Variants in SCAF8 observed in about 807,000 individuals in gnomAD.
SCAF8 encodes the protein SR-related and CTD-associated factor 8.
In SCAF8, 23 loss-of-function variants were observed where a neutral mutation model predicts 140.5. The observed-to-expected ratio is 0.16, with a 90% CI of 0.12 to 0.23. The LOEUF is 0.23. Ranked by LOEUF, SCAF8 falls within the 10% of genes least tolerant of loss-of-function variation. SCAF8 has a pLI of 1.00. For synonymous variants in SCAF8, 575 were observed against 528.9 expected (o/e 1.09, Z -1.20); for missense variants, 1,397 against 1,555.7 (o/e 0.90, Z 1.72).
At chr6:154,749,239 C>G (rs1271548125) in intron 1 of SCAF8, among the ~76,000 whole-genome samples, 5 of 152,148 alleles carry the variant, frequency 3.3e-5, no homozygotes, top group African/African-American at 1.2e-4. Context: ...CCGCACCCAG[C>G]CTAAAATCTC....
chr6:154,789,641 G>A (rs1777355201), intron 4 of SCAF8, among the ~76,000 whole-genome samples: 1 of 150,786 alleles, frequency 6.6e-6, no homozygotes, highest in South Asian at 2.1e-4. Flanking sequence ...TGCCTCCCAG[G>A]TTCACGCCAT....
At chr6:154,775,129 G>T (rs1776879976) in intron 2 of SCAF8, among the ~76,000 whole-genome samples, 1 of 152,210 alleles carries the variant, frequency 6.6e-6, no homozygotes, top group African/African-American at 2.4e-5. Context: ...ACTACTGGGT[G>T]AAAATTCAGA....
At chr6:154,756,955 CGG>C (rs1778982085) in intron 1 of SCAF8, among the ~76,000 whole-genome samples, 1 of 152,168 alleles carries the variant, frequency 6.6e-6, no homozygotes, top group East Asian at 1.9e-4. Context: ...GCCTGGGAGA[CGG>C]AGGTTGCAGT....
chr6:154,827,155 T>G lies in SCAF8; in HGVS notation c.2072-17T>G, dbSNP rs752679465. ...ATTTTTCTTGTGCTATTTTTTGGGG[T>G]TTTTTTTTCTGTCTAGGTTTCATGC... On this transcript the variant is annotated splice_polypyrimidine_tract_variant and intron_variant, in intron 17 of 19. Transcript: ENST00000367178. The G allele has an allele frequency of 2.1e-5, 33 of 1,574,562 alleles. No individual in the cohort carries two copies. Among genetic ancestry groups the G allele is most frequent in the Admixed American group, 7.6e-5 (4 of 52,416 alleles).
At position 154,793,454 on chromosome 6, in the gene SCAF8, A is replaced by T. The variant is rs561217069; in HGVS notation, c.475+478A>T. On this transcript the variant is annotated intron_variant, in intron 5 of 19. Coordinates refer to ENST00000367178, the MANE Select transcript of SCAF8 (RefSeq NM_014892.5). ...AAATTTTTTGAAATTTTTATGAAAAAATTTTTTTCATAATTTTTTCATAAT... is the reference window on the plus strand; with the variant it reads ...AAATTTTTTGAAATTTTTATGAAAATATTTTTTTCATAATTTTTTCATAAT... 8.1e-3 allele frequency among the ~76,000 whole-genome samples: 1,228 copies of T among 151,652 alleles called. 12 individuals are homozygous for T. Among genetic ancestry groups the T allele is most frequent in the African/African-American group, 0.027 (1,125 of 41,454 alleles).
intron 6 of SCAF8, among the ~76,000 whole-genome samples, chr6:154,801,732 G>T (rs369769031): frequency 2.0e-5 from 3 of 151,514 alleles, no homozygotes; most frequent in Non-Finnish European, 2.9e-5. Flanking sequence ...TTATCTGGTT[G>T]TCACAGATCA....
intron 1 of SCAF8, among the ~76,000 whole-genome samples, chr6:154,744,995 A>G (rs1415640572): frequency 1.3e-5 from 2 of 152,226 alleles, no homozygotes; most frequent in Admixed American, 1.3e-4. Context: ...CTATAGTACA[A>G]TGATCAAAAT....
chr6:154,739,142 T>C (rs1004189521), intron 1 of SCAF8, among the ~76,000 whole-genome samples: 1 of 152,150 alleles, frequency 6.6e-6, no homozygotes, highest in Non-Finnish European at 1.5e-5. Context: ...TGTGCCACTA[T>C]GCACACCTAA....
At chr6:154,757,390 A>G (rs1778994043) in intron 1 of SCAF8, among the ~76,000 whole-genome samples, 1 of 152,248 alleles carries the variant, frequency 6.6e-6, no homozygotes, top group South Asian at 2.1e-4. Context: ...GGAAAAATTA[A>G]GAGAAATTTA....
At position 154,792,810 on chromosome 6, in the gene SCAF8, T is replaced by C; in HGVS notation, c.322-13T>C. 1 of 1,564,006 alleles carries C rather than the reference T, an allele frequency of 6.4e-7. No individual in the cohort carries two copies. The highest frequency in any genetic ancestry group is 8.7e-7 in the Non-Finnish European group (1 of 1,153,700). ...AGTAAAAACCAAAATGTCATGTTTC[T>C]TTTTTTCTCTAGAGTAAAATAGTGA... On this transcript the variant is annotated splice_polypyrimidine_tract_variant and intron_variant, in intron 4 of 19. Transcript: ENST00000367178.
rs150352093 is a variant in SCAF8 at position 154,822,971 on chromosome 6, A to G, written c.1926+562A>G. On this transcript the variant is annotated intron_variant, in intron 16 of 19. Coordinates refer to ENST00000367178, the MANE Select transcript of SCAF8 (RefSeq NM_014892.5). The stretch of plus-strand genomic sequence containing the variant: ...GAAAAAAGTAGCGTAAGGCTGATCT[A>G]TTTTAAACAGAATGGTGAGGATAGA... Among the ~76,000 whole-genome samples, 456 of 152,310 alleles carry G rather than the reference A, an allele frequency of 3.0e-3. 2 individuals are homozygous for G. Among genetic ancestry groups the G allele is most frequent in the Non-Finnish European group, 4.6e-3 (310 of 68,022 alleles).
intron 3 of SCAF8, among the ~76,000 whole-genome samples, chr6:154,784,819 T>C (rs542931526): frequency 3.6e-4 from 55 of 152,332 alleles, no homozygotes; most frequent in African/African-American, 1.2e-3. Flanking sequence ...TTTCTTTTTA[T>C]TCTGAAATTT....
chr6:154,814,805 A>G (rs1778199049), intron 12 of SCAF8, among the ~76,000 whole-genome samples: 1 of 152,190 alleles, frequency 6.6e-6, no homozygotes, highest in African/African-American at 2.4e-5. Context: ...CTCATGTTTA[A>G]TATTTGTTAA....
At chr6:154,790,763 G>A (rs897503052) in intron 4 of SCAF8, among the ~76,000 whole-genome samples, 16 of 151,992 alleles carry the variant, frequency 1.1e-4, no homozygotes, top group Admixed American at 1.0e-3. Context: ...GTCCGCCTTG[G>A]CCTCCCTAAG....
intron 4 of SCAF8, among the ~76,000 whole-genome samples, chr6:154,790,505 T>TC (rs1777384417): frequency 1.2e-4 from 10 of 81,162 alleles, no homozygotes; most frequent in African/African-American, 5.2e-4. Flanking sequence ...TTTTTTTTTT[T>TC]TTTTTTTTTT....
At chr6:154,757,783 A>T (rs1779002787) in intron 1 of SCAF8, among the ~76,000 whole-genome samples, 1 of 152,138 alleles carries the variant, frequency 6.6e-6, no homozygotes, top group Admixed American at 6.5e-5. Context: ...ATGCCTCTGG[A>T]TGATTATAAC....
At chr6:154,812,699 A>G (rs1778132027) in intron 12 of SCAF8, among the ~76,000 whole-genome samples, 1 of 152,196 alleles carries the variant, frequency 6.6e-6, no homozygotes, top group Non-Finnish European at 1.5e-5. Flanking sequence ...TCTAGGGGAT[A>G]TAAAGCACCA....
At chr6:154,741,878 T>C in intron 1 of SCAF8, 1 of 909,720 alleles carries the variant, frequency 1.1e-6, no homozygotes, top group Non-Finnish European at 1.7e-6. Context: ...GAACACTGGC[T>C]GAGCTCCTGA....
At chr6:154,766,659 ACC>A (rs1165228098) in intron 1 of SCAF8, among the ~76,000 whole-genome samples, 73 of 70,718 alleles carry the variant, frequency 1.0e-3, no homozygotes, top group African/African-American at 3.2e-3. Context: ...CTCCAGCAGC[ACC>A]CCCCCCCCTT....
Sources: allele counts gnomAD v4.1 joint callset (sites outside exome capture counted in the v4.1 genomes callset), GRCh38; gene constraint gnomAD v4.1.1; transcripts MANE v1.5; gene names NCBI Gene and HGNC (gene_info 2026-07-23, HGNC 2026-07-21).